The following MTOR variants were observed in gnomAD, a reference collection of about 807,000 sequenced individuals.
MTOR encodes the protein mechanistic target of rapamycin kinase.
Under a neutral mutation model 319.8 loss-of-function variants are expected in MTOR, and 70 were observed. The ratio of observed to expected loss-of-function variants is 0.22; its 90% CI spans 0.18 to 0.27. The LOEUF (loss-of-function observed/expected upper bound fraction) is 0.27, where lower values mean the gene tolerates loss of function less well. Ranked by LOEUF, MTOR falls within the 10% of genes least tolerant of loss-of-function variation. The pLI, the probability that MTOR is intolerant of heterozygous loss-of-function variation, is 1.00. For missense variants in MTOR, 1,890 were observed against 3,274.4 expected, an observed-to-expected ratio of 0.58 and a Z score of 10.32; for synonymous variants, 1,183 against 1,211.4, an observed-to-expected ratio of 0.98 and a Z score of 0.49.
In MTOR at chr1:11,175,528, A is replaced by AG. The variant is rs368927654; in HGVS notation, c.4254-8012dup. On this transcript the variant is annotated intron_variant, in intron 28 of 57. Transcript: ENST00000361445. Reference sequence around the variant, plus strand: ...AGAAATTGCCTTGCTGCCTTCCTATAGCAAACATCACACCATTACGCTGAA... The same window carrying AG: ...AGAAATTGCCTTGCTGCCTTCCTATAGGCAAACATCACACCATTACGCTGAA... 6.7e-3 allele frequency among the ~76,000 whole-genome samples: 1,025 copies of AG among 152,324 alleles called. 17 individuals carry two copies. The highest frequency in any genetic ancestry group is 0.023 in the African/African-American group (960 of 41,570).
chr1:11,238,267 C>A (rs761245507), intron 12 of MTOR, 135 bp downstream of exon 12: 15 of 1,009,178 alleles, frequency 1.5e-5, no homozygotes, highest in South Asian at 6.0e-5. Flanking sequence ...GCCTAACACG[C>A]CTTGGCAGAG....
chr1:11,210,499 GA>G (rs145208470), intron 24 of MTOR, among the ~76,000 whole-genome samples: 84 of 151,788 alleles, frequency 5.5e-4, no homozygotes, highest in African/African-American at 1.7e-3. Flanking sequence ...TGGTTGGGGG[GA>G]AAAAAAATCA....
At chr1:11,167,544 T>C (rs1213632209) in intron 28 of MTOR, 27 bp from the exon 29 acceptor site, 1 of 1,591,834 alleles carries the variant, frequency 6.3e-7, no homozygotes, top group East Asian at 2.2e-5. Context: ...AAAAGGTAGT[T>C]ACACTCAACA....
At chr1:11,205,321 T>C (rs546760911) in intron 25 of MTOR, among the ~76,000 whole-genome samples, 1 of 152,298 alleles carries the variant, frequency 6.6e-6, no homozygotes, top group South Asian at 2.1e-4. Flanking sequence ...GAGAACAGTA[T>C]AGTGTAGTGG....
At chr1:11,261,066 A>G (rs1488128448) in intron 1 of MTOR, among the ~76,000 whole-genome samples, 8 of 151,932 alleles carry the variant, frequency 5.3e-5, no homozygotes, top group African/African-American at 1.9e-4. Context: ...TGCTGGGATT[A>G]CAGGTGTGAG....
intron 49 of MTOR, among the ~76,000 whole-genome samples, chr1:11,119,520 G>A (rs1260880592): frequency 2.8e-5 from 4 of 142,948 alleles, no homozygotes; most frequent in African/African-American, 7.9e-5. Context: ...GCAGTGAGCC[G>A]AGATCGCGCC....
chr1:11,258,820 T>G (rs933741137), intron 2 of MTOR, among the ~76,000 whole-genome samples: 5 of 152,134 alleles, frequency 3.3e-5, no homozygotes, highest in Non-Finnish European at 5.9e-5. Context: ...TGGCAGAAAA[T>G]GTCCTGTCCT....
chr1:11,239,800 G>C (rs535741770), intron 11 of MTOR, among the ~76,000 whole-genome samples: 3 of 151,862 alleles, frequency 2.0e-5, no homozygotes, highest in African/African-American at 7.3e-5. Flanking sequence ...AGCTACTCGG[G>C]AGGCTGTGGC....
At chr1:11,203,084 G>A (rs1571156600) in intron 26 of MTOR, among the ~76,000 whole-genome samples, 1 of 151,812 alleles carries the variant, frequency 6.6e-6, no homozygotes, top group East Asian at 2.0e-4. Flanking sequence ...GTGGTGGCGT[G>A]TGCCTGTACT....
chr1:11,236,116 G>C (rs1343121462), intron 13 of MTOR, among the ~76,000 whole-genome samples: 1 of 151,798 alleles, frequency 6.6e-6, no homozygotes, highest in African/African-American at 2.4e-5. Context: ...ATTCTCATTA[G>C]GAGGTATTTC....
intron 6 of MTOR, among the ~76,000 whole-genome samples, chr1:11,251,066 G>C (rs770997448): frequency 1.1e-4 from 17 of 152,170 alleles, no homozygotes; most frequent in Non-Finnish European, 1.9e-4. Context: ...ACAATGGCAA[G>C]AGTGATCCTT....
intron 49 of MTOR, among the ~76,000 whole-genome samples, chr1:11,118,618 C>CTTTTTTT: frequency 7.9e-6 from 1 of 127,286 alleles, no homozygotes; most frequent in Non-Finnish European, 1.7e-5. Flanking sequence ...TTTTCTTCTT[C>CTTTTTTT]TTTTTTTTTT....
At chr1:11,200,451 A>T (rs537941545) in intron 26 of MTOR, among the ~76,000 whole-genome samples, 1 of 152,298 alleles carries the variant, frequency 6.6e-6, no homozygotes, top group East Asian at 1.9e-4. Context: ...TTACATTACC[A>T]CAGTACCACA....
At chr1:11,218,097 G>A (rs1024491597) in intron 19 of MTOR, among the ~76,000 whole-genome samples, 1 of 152,062 alleles carries the variant, frequency 6.6e-6, no homozygotes, top group African/African-American at 2.4e-5. Flanking sequence ...CAGTTTTGTA[G>A]TGATTCCCCA....
At position 11,232,508 on chromosome 1, in the gene MTOR, C is replaced by T. The variant is rs772804221; in HGVS notation, c.2442G>A (p.Arg814=). Residue 814 remains arginine, a synonymous_variant, in exon 16 of 58, where the codon AGG becomes AGA. Coordinates refer to ENST00000361445, the MANE Select transcript of MTOR (RefSeq NM_004958.4). ...TAATAAAAAGTTCATCAACCCATTTCCTCATTTCCAGGCCACTAACCTGCA... is the reference window on the plus strand; with the variant it reads ...TAATAAAAAGTTCATCAACCCATTTTCTCATTTCCAGGCCACTAACCTGCA... ...ELAQVSGLEM[R]KWVDELFIII... is the part of the protein sequence containing the mutation. 1 of 1,613,726 alleles carries T rather than the reference C, an allele frequency of 6.2e-7. No individual in the cohort carries two copies. Among genetic ancestry groups the T allele is most frequent in the African/African-American group, 1.3e-5 (1 of 74,918 alleles).
intron 28 of MTOR, among the ~76,000 whole-genome samples, chr1:11,186,939 A>G (rs1339775476): frequency 6.6e-6 from 1 of 152,234 alleles, no homozygotes; most frequent in African/African-American, 2.4e-5. Flanking sequence ...TATGTTAGAA[A>G]TAAGTTTCCA....
At chr1:11,191,698 C>G (rs1645537756) in intron 28 of MTOR, among the ~76,000 whole-genome samples, 1 of 152,142 alleles carries the variant, frequency 6.6e-6, no homozygotes, top group African/African-American at 2.4e-5. Context: ...GGAGGAAGGC[C>G]TCAAAGGTTC....
chr1:11,120,555 T>C (rs949273074), intron 49 of MTOR, among the ~76,000 whole-genome samples: 2 of 151,200 alleles, frequency 1.3e-5, no homozygotes, highest in African/African-American at 4.9e-5. Flanking sequence ...TCTCACTATG[T>C]TGCCCAGGCT....
intron 21 of MTOR, 59 bp downstream of exon 21, chr1:11,213,340 C>A: frequency 6.4e-7 from 1 of 1,550,486 alleles, no homozygotes; most frequent in Non-Finnish European, 8.7e-7. Flanking sequence ...TTTAGCTGAT[C>A]ACCCAGGGAC....
Sources: gnomAD v4.1 joint callset for allele counts (sites outside exome capture counted in the v4.1 genomes callset) on GRCh38, gnomAD v4.1.1 for gene constraint, MANE v1.5 for transcripts, NCBI Gene and HGNC (gene_info 2026-07-23, HGNC 2026-07-21) for gene names.